Variants in CSMD1 observed in about 807,000 individuals in gnomAD.
CSMD1 encodes the protein CUB and Sushi multiple domains 1, also known as CUB and sushi domain-containing protein 1.
In CSMD1, 213 loss-of-function variants were observed where a neutral mutation model predicts 417.5. The ratio of observed to expected loss-of-function variants is 0.51; its 90% CI spans 0.46 to 0.57. The LOEUF (loss-of-function observed/expected upper bound fraction) is 0.57, where lower values mean the gene tolerates loss of function less well. CSMD1 is among the 20% of genes least tolerant of loss of function. The probability of loss-of-function intolerance (pLI) is 0.00; values close to 1 mark genes in which losing one functional copy is unlikely to be tolerated. For synonymous variants in CSMD1, 2,862 were observed against 1,736.8 expected, an observed-to-expected ratio of 1.65 and a Z score of -16.11; for missense variants, 6,923 against 4,529.7, an observed-to-expected ratio of 1.53 and a Z score of -15.17.
intron 2 of CSMD1, among the ~76,000 whole-genome samples, chr8:4,574,915 ATTTTG>A (rs1485829634): frequency 6.6e-6 from 1 of 152,208 alleles, no homozygotes; most frequent in Non-Finnish European, 1.5e-5. Flanking sequence ...CACACATATA[ATTTTG>A]TTTTAATATC....
At chr8:4,307,918 G>C (rs1260302647) in intron 3 of CSMD1, among the ~76,000 whole-genome samples, 4 of 152,132 alleles carry the variant, frequency 2.6e-5, no homozygotes, top group African/African-American at 4.8e-5. Flanking sequence ...TTTAGCAAGA[G>C]GACCCCCGGA....
At chr8:3,527,868 G>C (rs1361710801) in intron 10 of CSMD1, among the ~76,000 whole-genome samples, 1 of 152,184 alleles carries the variant, frequency 6.6e-6, no homozygotes, top group Non-Finnish European at 1.5e-5. Flanking sequence ...TTTAGAAACA[G>C]GTTTCTCAGC....
At chr8:4,949,473 C>T (rs1808590650) in intron 1 of CSMD1, among the ~76,000 whole-genome samples, 1 of 152,192 alleles carries the variant, frequency 6.6e-6, no homozygotes. Flanking sequence ...ACTGCCTCAT[C>T]TAATTTAGTA....
At chr8:4,349,089 T>A (rs963743358) in intron 3 of CSMD1, among the ~76,000 whole-genome samples, 2 of 152,226 alleles carry the variant, frequency 1.3e-5, no homozygotes, top group Non-Finnish European at 2.9e-5. Flanking sequence ...ATGCTCAAAT[T>A]ACAAAATGAG....
intron 5 of CSMD1, among the ~76,000 whole-genome samples, chr8:3,929,722 C>T (rs569015625): frequency 2.4e-4 from 36 of 149,630 alleles, no homozygotes; most frequent in Non-Finnish European, 4.8e-4. Flanking sequence ...AGTGCATTGG[C>T]ACAATCTCGG....
At chr8:4,368,578 T>C (rs1233808181) in intron 3 of CSMD1, among the ~76,000 whole-genome samples, 1 of 152,184 alleles carries the variant, frequency 6.6e-6, no homozygotes, top group African/African-American at 2.4e-5. Flanking sequence ...TCTGGTAAAA[T>C]TCGGCTTTGA....
chr8:3,421,571 G>A (rs545314169), intron 12 of CSMD1, among the ~76,000 whole-genome samples: 1 of 152,242 alleles, frequency 6.6e-6, no homozygotes, highest in East Asian at 1.9e-4. Flanking sequence ...TATTTAGCCT[G>A]TTTGATTATG....
intron 3 of CSMD1, among the ~76,000 whole-genome samples, chr8:4,322,596 A>G (rs1308049223): frequency 6.6e-6 from 1 of 152,338 alleles, no homozygotes; most frequent in Middle Eastern, 3.4e-3. Flanking sequence ...AACATAAAAG[A>G]CATGTTGTAG....
intron 49 of CSMD1, among the ~76,000 whole-genome samples, chr8:3,055,366 G>C (rs1812144837): frequency 6.6e-6 from 1 of 152,122 alleles, no homozygotes; most frequent in Non-Finnish European, 1.5e-5. Context: ...AGCCCCTTAA[G>C]CGTCTTAACA....
chr8:4,628,134 T>C (rs545333310), intron 2 of CSMD1, among the ~76,000 whole-genome samples: 3 of 151,446 alleles, frequency 2.0e-5, no homozygotes, highest in African/African-American at 7.3e-5. Flanking sequence ...TATATATATA[T>C]ATATATGTAC....
At chr8:4,865,203 AATG>A (rs1021927694) in intron 1 of CSMD1, among the ~76,000 whole-genome samples, 9 of 151,940 alleles carry the variant, frequency 5.9e-5, no homozygotes, top group African/African-American at 2.2e-4. Flanking sequence ...TCTCATGCAT[AATG>A]ATAAGTCCTT....
intron 11 of CSMD1, among the ~76,000 whole-genome samples, chr8:3,484,655 C>A (rs903424984): frequency 6.6e-6 from 1 of 152,090 alleles, no homozygotes; most frequent in African/African-American, 2.4e-5. Context: ...AAAGACAAGC[C>A]GCAGACTGAG....
chr8:3,567,886 T>C (rs1799782094), intron 10 of CSMD1, among the ~76,000 whole-genome samples: 1 of 152,110 alleles, frequency 6.6e-6, no homozygotes, highest in South Asian at 2.1e-4. Context: ...CTCATCACTC[T>C]CCTTCTTCCT....
chr8:4,760,377 C>T (rs1424797730), intron 1 of CSMD1, among the ~76,000 whole-genome samples: 1 of 152,110 alleles, frequency 6.6e-6, no homozygotes, highest in Non-Finnish European at 1.5e-5. Flanking sequence ...ATGTCTGCTG[C>T]ACAAATGAGA....
intron 3 of CSMD1, among the ~76,000 whole-genome samples, chr8:4,172,405 C>T (rs568008737): frequency 6.6e-6 from 1 of 152,006 alleles, no homozygotes; most frequent in African/African-American, 2.4e-5. Flanking sequence ...GCCAGTGGGT[C>T]TCATGGCTCC....
chr8:3,777,316 C>T (rs1798946890), intron 5 of CSMD1, among the ~76,000 whole-genome samples: 1 of 152,078 alleles, frequency 6.6e-6, no homozygotes, highest in South Asian at 2.1e-4. Flanking sequence ...GGACAAATGA[C>T]TGATAATCCT....
chr8:4,396,011 C>A (rs1358133631), intron 3 of CSMD1, among the ~76,000 whole-genome samples: 1 of 152,110 alleles, frequency 6.6e-6, no homozygotes, highest in African/African-American at 2.4e-5. Flanking sequence ...GTTTTATAAT[C>A]ATTTTGTTCT....
intron 3 of CSMD1, among the ~76,000 whole-genome samples, chr8:4,278,115 T>C (rs1796587030): frequency 6.6e-6 from 1 of 152,194 alleles, no homozygotes; most frequent in African/African-American, 2.4e-5. Flanking sequence ...GTTCTCTTTC[T>C]CCTTATGCTC....
chr8:3,118,391 G>T lies in CSMD1; in HGVS notation c.6430+8C>A, dbSNP rs1366568301. ...TTAAATCGCCCCCATGCAAAGTGAT[G>T]AACTTACCATCACATCTTGGAAAAG... On this transcript the variant is annotated splice_region_variant and intron_variant, in intron 42 of 69. Coordinates refer to ENST00000635120, the MANE Select transcript of CSMD1 (RefSeq NM_033225.6). 3 of 1,607,004 alleles carry T rather than the reference G, an allele frequency of 1.9e-6. No homozygotes were observed. The highest frequency in any genetic ancestry group is 2.2e-5 in the South Asian group (2 of 90,416).
Sources: gnomAD v4.1 joint callset for allele counts (sites outside exome capture counted in the v4.1 genomes callset) on GRCh38, gnomAD v4.1.1 for gene constraint, MANE v1.5 for transcripts, NCBI Gene and HGNC (gene_info 2026-07-23, HGNC 2026-07-21) for gene names.